Variants in GOLGA5 observed in about 807,000 individuals in gnomAD.
The protein encoded by GOLGA5 is golgin subfamily A member 5.
GOLGA5 carries 50 observed loss-of-function variants against 93.5 expected under a neutral mutation model. That is an observed-to-expected ratio of 0.53 (90% CI 0.43 to 0.68). GOLGA5 has a LOEUF of 0.68. GOLGA5 is among the 30% of genes least tolerant of loss of function. GOLGA5 has a pLI of 0.00. For synonymous variants in GOLGA5, 312 were observed against 304.5 expected, an observed-to-expected ratio of 1.02 and a Z score of -0.26; for missense variants, 760 against 856.4, an observed-to-expected ratio of 0.89 and a Z score of 1.40.
In GOLGA5 at chr14:92,810,337, C is replaced by G. The variant is rs1426811274; in HGVS notation, c.1076C>G (p.Ala359Gly). The change falls in exon 5 of 13, where the codon GCC becomes GGC. Residue 359 changes from alanine to glycine, a missense_variant. Ala to Gly is a moderately conservative substitution (Grantham distance 60, BLOSUM62 0). Transcript: ENST00000163416. Reference protein sequence around the residue: ...TFQERLHEADATLKREQESYK... With the variant: ...TFQERLHEADGTLKREQESYK... ...CAGGAGAGACTGCATGAAGCGGATGCCACTCTGAAGAGAGAGCAGGAGAGC... is the reference window on the plus strand; with the variant it reads ...CAGGAGAGACTGCATGAAGCGGATGGCACTCTGAAGAGAGAGCAGGAGAGC... The G allele has an allele frequency of 3.1e-6, 5 of 1,608,756 alleles. No homozygotes were observed. In the African/African-American group the frequency reaches 6.7e-5, roughly 22 times the overall value.
At chr14:92,798,481 T>C (rs1304893957) in intron 2 of GOLGA5, among the ~76,000 whole-genome samples, 1 of 152,190 alleles carries the variant, frequency 6.6e-6, no homozygotes, top group African/African-American at 2.4e-5. Flanking sequence ...GGCATTGACC[T>C]AGTAGTGAAG....
chr14:92,827,928 AAG>A (rs1364428271), intron 9 of GOLGA5, among the ~76,000 whole-genome samples: 1 of 152,218 alleles, frequency 6.6e-6, no homozygotes, highest in Non-Finnish European at 1.5e-5. Flanking sequence ...TGTGAAGGCT[AAG>A]AGAGGTGAGG....
chr14:92,801,495 T>C (rs1030836715), intron 2 of GOLGA5, among the ~76,000 whole-genome samples: 1 of 152,168 alleles, frequency 6.6e-6, no homozygotes, highest in African/African-American at 2.4e-5. Flanking sequence ...TCTTTTTTCT[T>C]CTTGATTCAT....
chr14:92,806,366 G>T (rs996944802), intron 2 of GOLGA5, among the ~76,000 whole-genome samples: 2 of 152,166 alleles, frequency 1.3e-5, no homozygotes, highest in African/African-American at 4.8e-5. Context: ...CTGGAGTGCA[G>T]TGGTGCAATC....
intron 6 of GOLGA5, among the ~76,000 whole-genome samples, chr14:92,813,218 TA>T (rs1473669319): frequency 6.6e-6 from 1 of 152,226 alleles, no homozygotes; most frequent in African/African-American, 2.4e-5. Context: ...CCTAATTTGT[TA>T]ATTCATTGAA....
At chr14:92,797,360 C>G in intron 1 of GOLGA5, 48 bp from the exon 2 acceptor site, 1 of 1,103,888 alleles carries the variant, frequency 9.1e-7, no homozygotes. Context: ...AACCATTTAT[C>G]ATACTCTGCC....
At chr14:92,818,939 T>C (rs187058533) in intron 7 of GOLGA5, among the ~76,000 whole-genome samples, 28 of 152,218 alleles carry the variant, frequency 1.8e-4, no homozygotes, top group Non-Finnish European at 3.5e-4. Flanking sequence ...AAACCAATAA[T>C]AGTAATAAAG....
chr14:92,820,366 C>T (rs2140326924), intron 8 of GOLGA5, among the ~76,000 whole-genome samples: 1 of 152,360 alleles, frequency 6.6e-6, no homozygotes, highest in Middle Eastern at 3.4e-3. Flanking sequence ...ACTAACAGAG[C>T]AGCATTGCTG....
At chr14:92,828,481 T>TTA (rs1466103347) in intron 9 of GOLGA5, among the ~76,000 whole-genome samples, 2 of 152,168 alleles carry the variant, frequency 1.3e-5, no homozygotes, top group African/African-American at 4.8e-5. Context: ...ATATTACTGC[T>TTA]TATTGACAAC....
chr14:92,800,907 A>C (rs913767052), intron 2 of GOLGA5, among the ~76,000 whole-genome samples: 5 of 152,258 alleles, frequency 3.3e-5, no homozygotes, highest in Non-Finnish European at 5.9e-5. Context: ...GTTATAATAC[A>C]CAGGAGTTAT....
intron 10 of GOLGA5, among the ~76,000 whole-genome samples, chr14:92,833,808 A>T (rs1263852678): frequency 6.6e-6 from 1 of 152,256 alleles, no homozygotes; most frequent in Middle Eastern, 3.2e-3. Flanking sequence ...TCAACAGATC[A>T]GATTTTTAAT....
At chr14:92,805,719 T>G (rs781604564) in intron 2 of GOLGA5, among the ~76,000 whole-genome samples, 15 of 152,202 alleles carry the variant, frequency 9.9e-5, no homozygotes, top group Non-Finnish European at 2.1e-4. Context: ...TTGCATTTCC[T>G]TGATGACTAA....
At chr14:92,805,315 T>C (rs1351195748) in intron 2 of GOLGA5, among the ~76,000 whole-genome samples, 1 of 152,190 alleles carries the variant, frequency 6.6e-6, no homozygotes, top group Non-Finnish European at 1.5e-5. Context: ...GATTCATCCA[T>C]GTTACTGTTC....
Position 92,836,715 on chromosome 14 carries a change from C to T in GOLGA5, c.2052-671C>T, listed in dbSNP as rs79609220. Among the ~76,000 whole-genome samples the T allele has an allele frequency of 6.3e-3, 956 of 151,908 alleles. 15 individuals carry two copies. The highest frequency in any genetic ancestry group is 0.062 in the South Asian group (297 of 4,816). ...TAATGCCAACCAGACTCTTTTTTTC[C>T]CCAGTCACATAGTTGACACCCACCT... On this transcript the variant is annotated intron_variant, in intron 11 of 12. Coordinates refer to ENST00000163416, the MANE Select transcript of GOLGA5 (RefSeq NM_005113.4).
intron 2 of GOLGA5, among the ~76,000 whole-genome samples, chr14:92,802,691 G>GT (rs1344734791): frequency 1.3e-5 from 2 of 150,788 alleles, no homozygotes; most frequent in Non-Finnish European, 3.0e-5. Context: ...AGATAATATA[G>GT]TTTTTCTTCT....
At position 92,809,420 on chromosome 14, in the gene GOLGA5, A is replaced by G; in HGVS notation, c.893A>G (p.Asp298Gly). The G allele has an allele frequency of 3.1e-6, 5 of 1,613,938 alleles. No individual in the cohort carries two copies. Among genetic ancestry groups the G allele is most frequent in the Non-Finnish European group, 4.2e-6 (5 of 1,179,840 alleles). Residue 298 changes from aspartate (D) to glycine (G), a missense_variant, in exon 4 of 13, where the codon GAT becomes GGT. Coordinates refer to ENST00000163416, the MANE Select transcript of GOLGA5 (RefSeq NM_005113.4). ...DDLTEAVAAK[D>G]SQLAVLKVRL... is the part of the protein sequence containing the mutation. ...CTGACTGAAGCTGTGGCTGCAAAGG[A>G]TTCCCAGCTGGCTGTACTGAAAGTG...
chr14:92,834,549 G>T (rs1885600609), intron 10 of GOLGA5, among the ~76,000 whole-genome samples: 3 of 152,352 alleles, frequency 2.0e-5, no homozygotes, highest in Admixed American at 2.0e-4. Context: ...AGAAGAGCAG[G>T]CACAAAGGCC....
intron 9 of GOLGA5, among the ~76,000 whole-genome samples, chr14:92,831,138 G>C (rs1282834637): frequency 1.3e-5 from 2 of 152,182 alleles, no homozygotes; most frequent in Non-Finnish European, 2.9e-5. Context: ...TGAGGATGTG[G>C]TGCAGCTGGA....
In GOLGA5 at chr14:92,820,153, GTATT is replaced by G. The variant is rs1413589088; in HGVS notation, c.1620+322_1620+325del. Reference sequence around the variant, plus strand: ...CGGCACCGGTCTCTGCGTTCCCTCAGTATTTATTGATCACTGTTTTCATTATCTC... The same window carrying G: ...CGGCACCGGTCTCTGCGTTCCCTCAGTATTGATCACTGTTTTCATTATCTC... On this transcript the variant is annotated intron_variant, in intron 8 of 12. Transcript: ENST00000163416. Among the ~76,000 whole-genome samples the G allele has an allele frequency of 2.6e-5, 4 of 152,318 alleles. No homozygotes were observed. The East Asian group carries it at 7.7e-4, about 29-fold the overall frequency.
Sources: allele counts gnomAD v4.1 joint callset (sites outside exome capture counted in the v4.1 genomes callset), GRCh38; gene constraint gnomAD v4.1.1; transcripts MANE v1.5; gene names NCBI Gene and HGNC (gene_info 2026-07-23, HGNC 2026-07-21).